CLVS1: variants seen among roughly 807,000 people sequenced by gnomAD.
CLVS1 encodes the protein clavesin 1, also known as clavesin-1.
Under a neutral mutation model 33.1 loss-of-function variants are expected in CLVS1, and 10 were observed. The ratio of observed to expected loss-of-function variants is 0.30; its 90% CI spans 0.19 to 0.51. The LOEUF (loss-of-function observed/expected upper bound fraction) is 0.51. CLVS1 is among the 20% of genes least tolerant of loss of function. The probability of loss-of-function intolerance (pLI) is 0.97; values close to 1 mark genes in which losing one functional copy is unlikely to be tolerated. For synonymous variants in CLVS1, 163 were observed against 166.1 expected (o/e 0.98, Z 0.14); for missense variants, 343 against 433.4 (o/e 0.79, Z 1.85).
At chr8:61,282,289 AGG>A (rs1390515163) in intron 2 of CLVS1, among the ~76,000 whole-genome samples, 5 of 152,204 alleles carry the variant, frequency 3.3e-5, no homozygotes, top group Non-Finnish European at 7.3e-5. Flanking sequence ...TGAGTAGCAG[AGG>A]CCATAATTAA....
At chr8:61,378,280 G>A (rs894665310) in intron 3 of CLVS1, 1 of 152,030 alleles carries the variant, frequency 6.6e-6, no homozygotes, top group Non-Finnish European at 1.5e-5. Flanking sequence ...TAAGAAAAAT[G>A]TCCTTTATCC....
At position 61,409,285 on chromosome 8, in the gene CLVS1, A is replaced by G. The variant is rs182917678; in HGVS notation, c.630+32506A>G. ...TTTTCCACAAGGGTAACTTTTTATTAGTTTCTTTGTCTTTGTTTATTTGTG... is the reference window on the plus strand; with the variant it reads ...TTTTCCACAAGGGTAACTTTTTATTGGTTTCTTTGTCTTTGTTTATTTGTG... On this transcript the variant is annotated intron_variant, in intron 3 of 5. Coordinates refer to ENST00000325897, the MANE Select transcript of CLVS1 (RefSeq NM_173519.3). Among the ~76,000 whole-genome samples, 5 of 152,182 alleles carry G rather than the reference A, an allele frequency of 3.3e-5. No homozygotes were observed. In the East Asian group the frequency reaches 9.6e-4, roughly 29 times the overall value.
At chr8:61,191,286 C>G (rs1221466443) in intron 2 of CLVS1, among the ~76,000 whole-genome samples, 3 of 152,186 alleles carry the variant, frequency 2.0e-5, no homozygotes, top group Non-Finnish European at 4.4e-5. Flanking sequence ...ACATGATTAT[C>G]TCAATAGATG....
intron 2 of CLVS1, among the ~76,000 whole-genome samples, chr8:61,356,754 G>T (rs1812725262): frequency 6.6e-6 from 1 of 152,146 alleles, no homozygotes; most frequent in African/African-American, 2.4e-5. Context: ...TGAGGGCTCT[G>T]TTCTGTTCCA....
At chr8:61,155,185 CAT>C (rs1225874201) in intron 2 of CLVS1, among the ~76,000 whole-genome samples, 1 of 152,140 alleles carries the variant, frequency 6.6e-6, no homozygotes, top group Non-Finnish European at 1.5e-5. Flanking sequence ...TGTTGGGTGT[CAT>C]ATATTTGGAA....
chr8:61,408,493 C>A (rs1815083174), intron 3 of CLVS1, among the ~76,000 whole-genome samples: 1 of 152,208 alleles, frequency 6.6e-6, no homozygotes, highest in Non-Finnish European at 1.5e-5. Flanking sequence ...TACTTCTTTT[C>A]TCCAGACCTG....
chr8:61,232,026 T>TGTTTGTTTGTTTGTTTG (rs1554548348), intron 2 of CLVS1, among the ~76,000 whole-genome samples: 9 of 125,864 alleles, frequency 7.2e-5, no homozygotes, highest in African/African-American at 3.2e-4. Context: ...AGTTGTGGTT[T>TGTTTGTTTGTTTGTTTG]TTTTTTTTTT....
At chr8:61,080,923 A>G (rs978013046) in intron 1 of CLVS1, among the ~76,000 whole-genome samples, 2 of 152,226 alleles carry the variant, frequency 1.3e-5, no homozygotes, top group African/African-American at 4.8e-5. Context: ...TGAAGAATAG[A>G]TAAGAATTCA....
chr8:61,264,516 T>C (rs1809268237), intron 2 of CLVS1: 1 of 151,830 alleles, frequency 6.6e-6, no homozygotes, highest in South Asian at 2.1e-4. Flanking sequence ...GGCAAAATCG[T>C]AAATCAATAC....
intron 3 of CLVS1, among the ~76,000 whole-genome samples, chr8:61,451,046 C>T (rs536819933): frequency 5.7e-4 from 86 of 152,188 alleles, no homozygotes; most frequent in African/African-American, 1.9e-3. Flanking sequence ...GCATCTCTGG[C>T]TGCAGGCAAA....
At chr8:61,477,276 T>C (rs1586030437) in intron 5 of CLVS1, among the ~76,000 whole-genome samples, 1 of 152,306 alleles carries the variant, frequency 6.6e-6, no homozygotes, top group East Asian at 1.9e-4. Flanking sequence ...TTGTTGTGTC[T>C]CTGCCAGGCT....
At position 61,063,275 on chromosome 8, in the gene CLVS1, GAGAGAGAGAGAGAGAGAGAT is replaced by G. The variant is rs1219471513; in HGVS notation, c.-243+6061_-243+6080del. Among the ~76,000 whole-genome samples the G allele has an allele frequency of 2.1e-3, 290 of 135,570 alleles. 1 individual carries two copies. Among genetic ancestry groups the G allele is most frequent in the African/African-American group, 8.6e-3 (250 of 29,174 alleles). The allele number at this position is 135,570 out of a possible 152,430, so 88.9% of individuals were successfully genotyped here. On this transcript the variant is annotated intron_variant, in intron 1 of 2. Transcript: ENST00000522621. Reference sequence around the variant, plus strand: ...AGTGAGGAAGCGAGAGAGAGAGAGAGAGAGAGAGAGAGAGAGAGATAGAGAGAGAGAGAGAACAGTCATTT... The same window carrying G: ...AGTGAGGAAGCGAGAGAGAGAGAGAGAGAGAGAGAGAGAGAACAGTCATTT...
the CLVS1 span, among the ~76,000 whole-genome samples, chr8:60,998,894 A>G: frequency 2.0e-5 from 3 of 151,844 alleles, no homozygotes; most frequent in Non-Finnish European, 4.4e-5. Flanking sequence ...TTCTTTTTTC[A>G]GTATTTATTT....
chr8:61,382,709 T>C (rs528343542), intron 3 of CLVS1, among the ~76,000 whole-genome samples: 5 of 152,262 alleles, frequency 3.3e-5, no homozygotes, highest in Non-Finnish European at 5.9e-5. Flanking sequence ...TCTGATTCCA[T>C]AGATCTAGAG....
rs1265187479 is a variant in CLVS1, at chr8:61,059,499, T to TATATATATATATACAC, written c.-243+2270_-243+2271insTATATATATATACACA. On this transcript the variant is annotated intron_variant, in intron 1 of 2. Transcript: ENST00000522621. ...ACATATATATATATATATATATATA[T>TATATATATATATACAC]ACACATATCTTGAAAATAGCACGAG... Among the ~76,000 whole-genome samples, 347 of 96,284 alleles carry TATATATATATATACAC rather than the reference T, an allele frequency of 3.6e-3. 7 individuals carry two copies. Among genetic ancestry groups the TATATATATATATACAC allele is most frequent in the African/African-American group, 8.1e-3 (202 of 24,894 alleles). The allele number at this position is 96,284 out of a possible 152,430, so 63.2% of individuals were successfully genotyped here.
chr8:61,381,186 A>G (rs552154525), intron 3 of CLVS1, among the ~76,000 whole-genome samples: 1 of 148,002 alleles, frequency 6.8e-6, no homozygotes, highest in South Asian at 2.1e-4. Context: ...GATGTTTTTT[A>G]TGACATTTAT....
chr8:61,285,307 AT>A (rs750458268), upstream of CLVS1, among the ~76,000 whole-genome samples: 1 of 152,210 alleles, frequency 6.6e-6, no homozygotes, highest in Non-Finnish European at 1.5e-5. Context: ...TTTTAATGTC[AT>A]TGCAAAGGAA....
At chr8:61,029,794 G>A in the CLVS1 span, among the ~76,000 whole-genome samples, 5 of 152,086 alleles carry the variant, frequency 3.3e-5, no homozygotes, top group Middle Eastern at 3.2e-3. Flanking sequence ...ACATTGGGGC[G>A]TATTAGTTCC....
chr8:61,303,235 G>A (rs1810500025), intron 2 of CLVS1, among the ~76,000 whole-genome samples: 1 of 152,206 alleles, frequency 6.6e-6, no homozygotes, highest in Non-Finnish European at 1.5e-5. Context: ...TTTTGTGTTA[G>A]GATTTGGTCC....
Sources: gnomAD v4.1 joint callset for allele counts (sites outside exome capture counted in the v4.1 genomes callset) on GRCh38, gnomAD v4.1.1 for gene constraint, MANE v1.5 for transcripts, NCBI Gene and HGNC (gene_info 2026-07-23, HGNC 2026-07-21) for gene names.